AGPS: variants seen among roughly 807,000 people sequenced by gnomAD.
AGPS encodes alkylglycerone phosphate synthase, also known as alkyldihydroxyacetonephosphate synthase, peroxisomal.
In AGPS, 26 loss-of-function variants were observed where a neutral mutation model predicts 90.7. That is an observed-to-expected ratio of 0.29 (90% CI 0.21 to 0.40). AGPS has a LOEUF of 0.40. AGPS is among the 10% of genes least tolerant of loss of function. The probability of loss-of-function intolerance (pLI) is 1.00; values close to 1 mark genes in which losing one functional copy is unlikely to be tolerated. For missense variants in AGPS, 540 were observed against 816.1 expected (o/e 0.66, Z 4.12); for synonymous variants, 294 against 285.3 (o/e 1.03, Z -0.31).
intron 10 of AGPS, among the ~76,000 whole-genome samples, chr2:177,480,762 TA>T (rs1399195098): frequency 1.3e-5 from 2 of 151,594 alleles, no homozygotes; most frequent in African/African-American, 4.8e-5. Flanking sequence ...AATTTAAAAA[TA>T]AATAAAAAAT....
chr2:177,480,509 A>G (rs1289354334), intron 10 of AGPS, among the ~76,000 whole-genome samples: 1 of 152,152 alleles, frequency 6.6e-6, no homozygotes, highest in African/African-American at 2.4e-5. Context: ...GTTCTCACTC[A>G]TAGGTGGGAG....
At chr2:177,467,191 T>C (rs1336911619) in intron 9 of AGPS, among the ~76,000 whole-genome samples, 1 of 152,072 alleles carries the variant, frequency 6.6e-6, no homozygotes, top group Non-Finnish European at 1.5e-5. Flanking sequence ...TAGTTTTTAA[T>C]ATAAAAAAGA....
intron 1 of AGPS, among the ~76,000 whole-genome samples, chr2:177,417,983 T>C (rs545303868): frequency 4.6e-4 from 70 of 152,236 alleles, no homozygotes; most frequent in African/African-American, 1.7e-3. Flanking sequence ...CTTGAAGATA[T>C]CAGAAGATTG....
chr2:177,447,169 T>A (rs2105645414), intron 8 of AGPS, among the ~76,000 whole-genome samples: 1 of 152,292 alleles, frequency 6.6e-6, no homozygotes, highest in Middle Eastern at 3.4e-3. Flanking sequence ...ATTGTTATCT[T>A]ATTTTGTTGT....
chr2:177,438,746 T>A (rs1686498997), intron 5 of AGPS, among the ~76,000 whole-genome samples: 1 of 152,350 alleles, frequency 6.6e-6, no homozygotes, highest in Non-Finnish European at 1.5e-5. Flanking sequence ...GGTGTATTCC[T>A]GGCTGAATCA....
chr2:177,494,607 G>A (rs1688360736), intron 12 of AGPS, among the ~76,000 whole-genome samples: 1 of 152,148 alleles, frequency 6.6e-6, no homozygotes, highest in African/African-American at 2.4e-5. Flanking sequence ...ACAATTTAAA[G>A]TGAAGGTTTA....
chr2:177,403,865 G>A (rs1685395296), intron 1 of AGPS, among the ~76,000 whole-genome samples: 1 of 152,078 alleles, frequency 6.6e-6, no homozygotes, highest in East Asian at 1.9e-4. Flanking sequence ...TGATGAGGAC[G>A]GTGTTATATT....
chr2:177,502,906 C>T (rs1460508774), intron 14 of AGPS, among the ~76,000 whole-genome samples: 1 of 152,112 alleles, frequency 6.6e-6, no homozygotes, highest in East Asian at 1.9e-4. Context: ...ATCTCTCCTG[C>T]ATAACAAGAC....
At chr2:177,420,239 T>A in intron 1 of AGPS, 30 bp from the exon 2 acceptor site, 2 of 1,372,888 alleles carry the variant, frequency 1.5e-6, no homozygotes, top group Non-Finnish European at 2.1e-6. Flanking sequence ...TTAGCATTGG[T>A]CTCACTTATA....
chr2:177,538,189 T>C lies in AGPS; in HGVS notation c.1971T>C (p.Leu657=). ...ATAACATCTTTGGAAACAGAAACCT[T>C]TTATAAATCCATTAGTACCATTACA... ...DPNNIFGNRN[L]L is the part of the protein sequence containing the mutation. The change falls in exon 20 of 20, where the codon CTT becomes CTC. Residue 657 remains leucine, a synonymous_variant. Coordinates refer to ENST00000264167, the MANE Select transcript of AGPS (RefSeq NM_003659.4). 1.2e-6 allele frequency: 2 copies of C among 1,612,772 alleles called. No individual in the cohort carries two copies. Among genetic ancestry groups the C allele is most frequent in the Non-Finnish European group, 1.7e-6 (2 of 1,179,032 alleles).
chr2:177,407,621 C>T (rs1373881742), intron 1 of AGPS, among the ~76,000 whole-genome samples: 1 of 152,064 alleles, frequency 6.6e-6, no homozygotes, highest in Non-Finnish European at 1.5e-5. Flanking sequence ...GCCCCCATGA[C>T]CCAAACACTT....
rs1253361507 is a variant in AGPS, at chr2:177,497,759, T to G, written c.1356T>G (p.Ile452Met). ...TGGACGGATTAAAAAAGTTTTATAT[T>G]ACAAAGGTAAGAATTTTTATAAAAT... is the stretch of plus-strand genomic sequence containing the variant. ...SFLDGLKKFY[I>M]TKFKGFDPNQ... The change falls in exon 13 of 20, where the codon ATT becomes ATG. Residue 452 changes from isoleucine (I) to methionine (M), a missense_variant. Physicochemically the swap from Ile to Met is conservative, Grantham distance 10. Around this residue, in one of 2 missense-constraint regions of AGPS, gnomAD observed 405 missense variants for 692.1 expected, o/e 0.59. Transcript: ENST00000264167. The G allele has an allele frequency of 1.0e-5, 15 of 1,498,278 alleles. No homozygotes were observed. Among genetic ancestry groups the G allele is most frequent in the Non-Finnish European group, 1.4e-5 (15 of 1,082,788 alleles). 92.8% of individuals were successfully genotyped at this position (1,498,278 alleles called of 1,614,324 possible).
chr2:177,525,196 G>A (rs920515769), intron 19 of AGPS, among the ~76,000 whole-genome samples: 2 of 152,070 alleles, frequency 1.3e-5, no homozygotes, highest in Non-Finnish European at 2.9e-5. Flanking sequence ...ACCTAATTTT[G>A]GAAATTTGAA....
chr2:177,464,786 A>G (rs180730820), intron 9 of AGPS, among the ~76,000 whole-genome samples: 75 of 152,382 alleles, frequency 4.9e-4, no homozygotes, highest in African/African-American at 1.7e-3. Flanking sequence ...GAGCCTTGCT[A>G]CATTCTTCAG....
At chr2:177,428,174 G>T (rs554893740) in intron 2 of AGPS, among the ~76,000 whole-genome samples, 1 of 152,226 alleles carries the variant, frequency 6.6e-6, no homozygotes, top group Admixed American at 6.5e-5. Context: ...TTTTGCATTT[G>T]CTTGGTAAAT....
intron 2 of AGPS, among the ~76,000 whole-genome samples, chr2:177,425,622 GAAA>G (rs1159060576): frequency 2.1e-5 from 2 of 95,262 alleles, no homozygotes; most frequent in Admixed American, 2.6e-4. Context: ...ACTCTGCCTA[GAAA>G]AAAAAAAAAA....
intron 3 of AGPS, 28 bp downstream of exon 3, chr2:177,434,445 C>A (rs1467995796): frequency 1.3e-6 from 2 of 1,510,932 alleles, no homozygotes; most frequent in South Asian, 1.1e-5. Context: ...ATTACTAACT[C>A]ATTTAACTGT....
chr2:177,442,463 A>G lies in AGPS; in HGVS notation c.766A>G (p.Ile256Val), dbSNP rs780193929. 4 of 1,613,070 alleles carry G rather than the reference A, an allele frequency of 2.5e-6. No individual in the cohort carries two copies. The highest frequency in any genetic ancestry group is 3.4e-6 in the Non-Finnish European group (4 of 1,179,076). ...TCCTGCAGATGAGACAAGAACAATT[A>G]TTTCTTTGGACACTTCACAAATGGT... ...MCPADETRTI[I>V]SLDTSQMNRI... Residue 256 changes from isoleucine (I) to valine (V), a missense_variant, in exon 7 of 20, where the codon ATT becomes GTT. By Grantham distance (29) the Ile-to-Val change is conservative. Coordinates refer to ENST00000264167, the MANE Select transcript of AGPS (RefSeq NM_003659.4).
chr2:177,514,633 A>ATG (rs1356116077), intron 17 of AGPS, among the ~76,000 whole-genome samples: 2 of 152,104 alleles, frequency 1.3e-5, no homozygotes, highest in African/African-American at 2.4e-5. Context: ...TGCTAATTGT[A>ATG]TGTGTGTGTG....
Sources: allele counts gnomAD v4.1 joint callset (sites outside exome capture counted in the v4.1 genomes callset), GRCh38; gene constraint gnomAD v4.1.1; regional missense constraint gnomAD v4.1.1; transcripts MANE v1.5; gene names NCBI Gene and HGNC (gene_info 2026-07-23, HGNC 2026-07-21).